Variants in METTL21C observed in about 807,000 individuals in gnomAD.
METTL21C encodes the protein protein-lysine methyltransferase METTL21C.
A neutral mutation model predicts 25.9 loss-of-function variants in METTL21C; 21 were observed. The observed-to-expected ratio is 0.81, with a 90% confidence interval of 0.58 to 1.17. The LOEUF (loss-of-function observed/expected upper bound fraction) is 1.17. Ranked by LOEUF, METTL21C falls within the 50% of genes most tolerant of loss-of-function variation. METTL21C has a pLI of 0.00. For missense variants in METTL21C, 312 were observed against 315.1 expected, an observed-to-expected ratio of 0.99 and a Z score of 0.07; for synonymous variants, 125 against 124.7, an observed-to-expected ratio of 1.00 and a Z score of -0.01.
At chr13:102,700,150 A>G in the METTL21C span, among the ~76,000 whole-genome samples, 54 of 152,332 alleles carry the variant, frequency 3.5e-4, no homozygotes, top group African/African-American at 1.2e-3. Flanking sequence ...AAATAATCCA[A>G]TAGGTTTGGA....
chr13:102,688,243 G>A (rs1885728961), intron 2 of METTL21C, among the ~76,000 whole-genome samples: 1 of 152,170 alleles, frequency 6.6e-6, no homozygotes, highest in Non-Finnish European at 1.5e-5. Flanking sequence ...CCAGTGGTAG[G>A]TTTGGTAGCC....
intron 1 of METTL21C, among the ~76,000 whole-genome samples, chr13:102,691,691 C>T (rs981760231): frequency 3.9e-5 from 6 of 152,196 alleles, no homozygotes; most frequent in Admixed American, 1.3e-4. Flanking sequence ...AACATTCCCA[C>T]GTGTTGGCTG....
intron 2 of METTL21C, among the ~76,000 whole-genome samples, chr13:102,687,807 A>G (rs373742157): frequency 6.6e-6 from 1 of 152,222 alleles, no homozygotes; most frequent in East Asian, 1.9e-4. Context: ...TGTTTTATAT[A>G]TCAACAAATA....
chr13:102,696,930 G>A (rs995440569), upstream of METTL21C, among the ~76,000 whole-genome samples: 1 of 152,186 alleles, frequency 6.6e-6, no homozygotes, highest in African/African-American at 2.4e-5. Context: ...GGCAGGGCAG[G>A]GAGGGAACAG....
At chr13:102,700,602 C>A in the METTL21C span, among the ~76,000 whole-genome samples, 10 of 152,196 alleles carry the variant, frequency 6.6e-5, no homozygotes, top group Non-Finnish European at 1.2e-4. Flanking sequence ...GAAAGTCTGA[C>A]ACTGAAAATG....
the METTL21C span, among the ~76,000 whole-genome samples, chr13:102,700,062 G>A: frequency 4.6e-5 from 7 of 152,176 alleles, no homozygotes; most frequent in African/African-American, 1.7e-4. Context: ...TCAGACTTGC[G>A]AACATGGAAA....
At chr13:102,689,831 G>A (rs745928819) in intron 2 of METTL21C, among the ~76,000 whole-genome samples, 41 of 152,204 alleles carry the variant, frequency 2.7e-4, no homozygotes, top group Admixed American at 1.4e-3. Flanking sequence ...GTGAGCTTAC[G>A]CTAGGACTTC....
At chr13:102,687,540 G>A (rs568538086) in intron 2 of METTL21C, among the ~76,000 whole-genome samples, 2 of 152,312 alleles carry the variant, frequency 1.3e-5, no homozygotes, top group South Asian at 2.1e-4. Flanking sequence ...TCAGGTTGGC[G>A]AGCACTTTGC....
At position 102,690,815 on chromosome 13, in the gene METTL21C, CT is replaced by C. The variant is rs761377555; in HGVS notation, c.279del (p.Ala95LeufsTer15). ...CACAAATATGACAGTTCTCTCACCC[CT>C]GGCCACACCACCGCTCCGTAACTCT... ...SIESYGAVVW[P>X]GAMALCQYLE... On this transcript the variant is annotated frameshift_variant, in exon 2 of 4. Coordinates refer to ENST00000267273, the MANE Select transcript of METTL21C (RefSeq NM_001010977.3). LOFTEE classifies it high-confidence loss of function. The C allele has an allele frequency of 2.5e-6, 4 of 1,613,994 alleles. No homozygotes were observed. Among genetic ancestry groups the C allele is most frequent in the Non-Finnish European group, 2.5e-6 (3 of 1,179,984 alleles).
In METTL21C at chr13:102,686,358, G is replaced by GT. The variant is rs762061720; in HGVS notation, c.467dup (p.Asn156LysfsTer11). 1.3e-5 allele frequency: 21 copies of GT among 1,614,142 alleles called. No homozygotes were observed. The Admixed American group carries it at 3.0e-4, about 23-fold the overall frequency. Reference sequence around the variant, plus strand: ...GCAGATGTGCTGTACATTGTAGTGTGTTTTTTAAAAGATTGTATTGAAGGT... The same window carrying GT: ...GCAGATGTGCTGTACATTGTAGTGTGTTTTTTTAAAAGATTGTATTGAAGGT... On this transcript the variant is annotated frameshift_variant, in exon 4 of 4. Transcript: ENST00000267273. LOFTEE classifies it low-confidence loss of function (END_TRUNC).
At chr13:102,702,648 C>G in the METTL21C span, among the ~76,000 whole-genome samples, 1 of 151,302 alleles carries the variant, frequency 6.6e-6, no homozygotes, top group Non-Finnish European at 1.5e-5. Flanking sequence ...AGTGCAATGG[C>G]GCAATCTCCA....
chr13:102,699,403 T>C (rs1378124766), upstream of METTL21C, among the ~76,000 whole-genome samples: 1 of 152,156 alleles, frequency 6.6e-6, no homozygotes, highest in Non-Finnish European at 1.5e-5. Context: ...AATAACTTGA[T>C]TGGCTGTTTC....
chr13:102,692,551 GTATC>G (rs1885857844), intron 1 of METTL21C, among the ~76,000 whole-genome samples: 1 of 150,416 alleles, frequency 6.6e-6, no homozygotes, highest in Non-Finnish European at 1.5e-5. Context: ...TATTACAAAA[GTATC>G]AGTGTGCAGC....
chr13:102,686,570 T>TG, intron 3 of METTL21C, 145 bp from the exon 4 acceptor site: 1 of 980,506 alleles, frequency 1.0e-6, no homozygotes, highest in Non-Finnish European at 1.5e-6. Context: ...TAATGTGGGC[T>TG]GGCTAATTCT....
rs1404102612 is a variant in METTL21C at position 102,686,427 on chromosome 13, T to C, written c.401-2A>G. ...AATCTGTTGCTGTGACTTGAGCTCC[T>C]AAGAGAAAAAGAAAACAATGACCTG... On this transcript the variant is annotated splice_acceptor_variant, in intron 3 of 3. Coordinates refer to ENST00000267273, the MANE Select transcript of METTL21C (RefSeq NM_001010977.3). LOFTEE classifies it high-confidence loss of function. The C allele has an allele frequency of 6.2e-7, 1 of 1,602,732 alleles. No individual in the cohort carries two copies. Among genetic ancestry groups the C allele is most frequent in the Non-Finnish European group, 8.5e-7 (1 of 1,175,000 alleles).
At chr13:102,695,651 G>A (rs1045280949), upstream of METTL21C, among the ~76,000 whole-genome samples, 27 of 152,112 alleles carry the variant, frequency 1.8e-4, no homozygotes, top group African/African-American at 6.5e-4. Context: ...TTTTCACTCA[G>A]GATGTTCATC....
At chr13:102,704,073 C>T in the METTL21C span, among the ~76,000 whole-genome samples, 447 of 152,232 alleles carry the variant, frequency 2.9e-3, 3 homozygotes, top group African/African-American at 0.01. Flanking sequence ...TTTAAATTGC[C>T]GTAACTCATA....
rs761211998 is a variant in METTL21C, at chr13:102,694,892, T to TCACA, written c.-395_-394insTGTG. Among the ~76,000 whole-genome samples the TCACA allele has an allele frequency of 0.039, 5,467 of 141,910 alleles. 283 individuals are homozygous for TCACA. The highest frequency in any genetic ancestry group is 0.13 in the African/African-American group (4,800 of 37,368). The allele number at this position is 141,910 out of a possible 152,430, so 93.1% of individuals were successfully genotyped here. ...CTCTCTTTCTCTCTCTCTCTCTCTC[T>TCACA]CTCTCTCTCACACACACACACACAC... On this transcript the variant is annotated 5_prime_UTR_variant, in exon 1 of 4. Transcript: ENST00000267273.
At chr13:102,697,672 G>A (rs922023265), upstream of METTL21C, among the ~76,000 whole-genome samples, 7 of 152,128 alleles carry the variant, frequency 4.6e-5, no homozygotes, top group Admixed American at 6.5e-5. Context: ...CATCTTCCAA[G>A]CATCCCAGAA....
Sources: gnomAD v4.1 joint callset for allele counts (sites outside exome capture counted in the v4.1 genomes callset) on GRCh38, gnomAD v4.1.1 for gene constraint, MANE v1.5 for transcripts, NCBI Gene and HGNC (gene_info 2026-07-23, HGNC 2026-07-21) for gene names.